CNTNAP2: variants seen among roughly 807,000 people sequenced by gnomAD.
The protein encoded by CNTNAP2 is contactin-associated protein-like 2.
CNTNAP2 carries 98 observed loss-of-function variants against 155.2 expected under a neutral mutation model. That is an observed-to-expected ratio of 0.63 (90% CI 0.54 to 0.75). CNTNAP2 has a LOEUF of 0.75. Among genes scored for constraint, CNTNAP2 ranks in the 30% least tolerant of loss-of-function variants. The pLI is 0.00. For missense variants in CNTNAP2, 1,727 were observed against 1,688.1 expected (o/e 1.02, Z -0.40); for synonymous variants, 651 against 631.2 (o/e 1.03, Z -0.47).
chr7:147,726,599 T>G (rs922431842), intron 13 of CNTNAP2, among the ~76,000 whole-genome samples: 1 of 151,970 alleles, frequency 6.6e-6, no homozygotes, highest in Non-Finnish European at 1.5e-5. Context: ...CCGAGAAGGT[T>G]GAGAACGTCT....
At chr7:146,379,861 A>G (rs1584897498) in intron 1 of CNTNAP2, among the ~76,000 whole-genome samples, 1 of 152,224 alleles carries the variant, frequency 6.6e-6, no homozygotes, top group Admixed American at 6.5e-5. Flanking sequence ...TAAAAGAAAA[A>G]AAAAGACACT....
intron 13 of CNTNAP2, among the ~76,000 whole-genome samples, chr7:147,640,232 T>G (rs868583835): frequency 6.6e-6 from 1 of 152,290 alleles, no homozygotes; most frequent in African/African-American, 2.4e-5. Flanking sequence ...CATTTATTAT[T>G]TTTTGTGAAG....
intron 3 of CNTNAP2, among the ~76,000 whole-genome samples, chr7:146,976,691 C>G (rs764590472): frequency 5.9e-5 from 9 of 152,224 alleles, no homozygotes; most frequent in Middle Eastern, 3.4e-3. Context: ...GAACCCTGTC[C>G]TCTTGGACCT....
intron 13 of CNTNAP2, among the ~76,000 whole-genome samples, chr7:147,720,489 C>A: frequency 6.6e-6 from 1 of 152,098 alleles, no homozygotes; most frequent in East Asian, 1.9e-4. Context: ...TTTATCCTTT[C>A]AAAAGTTTAA....
intron 3 of CNTNAP2, among the ~76,000 whole-genome samples, chr7:146,911,369 CG>C (rs1238449815): frequency 1.3e-5 from 2 of 151,944 alleles, no homozygotes; most frequent in African/African-American, 2.4e-5. Flanking sequence ...ATGTTTATCG[CG>C]GCATTATTCA....
chr7:147,229,056 T>G (rs2173047), intron 8 of CNTNAP2, among the ~76,000 whole-genome samples: 135,697 of 151,750 alleles, frequency 0.89, 60,771 homozygotes, highest in African/African-American at 0.95. Context: ...TATATATATA[T>G]AGAGAGAGAG....
chr7:147,942,484 T>C (rs925709485), intron 14 of CNTNAP2, among the ~76,000 whole-genome samples: 1 of 152,202 alleles, frequency 6.6e-6, no homozygotes, highest in African/African-American at 2.4e-5. Context: ...TCCCACCTGA[T>C]TTTTTAATAT....
At chr7:146,784,259 G>A (rs917758451) in intron 2 of CNTNAP2, among the ~76,000 whole-genome samples, 2 of 152,096 alleles carry the variant, frequency 1.3e-5, no homozygotes, top group African/African-American at 4.8e-5. Context: ...TAACATCAAT[G>A]CTATCACATT....
At chr7:148,400,784 A>AGCCTAACCAACATGGTGAAACCC (rs1385439753) in intron 22 of CNTNAP2, among the ~76,000 whole-genome samples, 1 of 152,184 alleles carries the variant, frequency 6.6e-6, no homozygotes, top group African/African-American at 2.4e-5. Context: ...GTTCGAGACC[A>AGCCTAACCAACATGGTGAAACCC]GCCTAACCAA....
At chr7:146,403,179 A>G (rs1438645092) in intron 1 of CNTNAP2, among the ~76,000 whole-genome samples, 4 of 152,128 alleles carry the variant, frequency 2.6e-5, no homozygotes, top group Non-Finnish European at 4.4e-5. Context: ...TTAATTATAT[A>G]CTTTTTCAAA....
intron 13 of CNTNAP2, among the ~76,000 whole-genome samples, chr7:147,724,580 G>A (rs962860165): frequency 7.2e-5 from 11 of 152,002 alleles, no homozygotes; most frequent in African/African-American, 2.7e-4. Context: ...GAGAGCTTCA[G>A]TGGGATTGAA....
chr7:148,340,364 G>C (rs1226963886), intron 21 of CNTNAP2, among the ~76,000 whole-genome samples: 1 of 152,152 alleles, frequency 6.6e-6, no homozygotes, highest in Non-Finnish European at 1.5e-5. Context: ...GAATCATTAC[G>C]TTACATTTAA....
Position 147,917,719 on chromosome 7 carries a change from T to C in CNTNAP2, c.2255+13998T>C, listed in dbSNP as rs544758807. 3.9e-5 allele frequency among the ~76,000 whole-genome samples: 6 copies of C among 152,246 alleles called. No homozygotes were observed. In the East Asian group the frequency reaches 9.7e-4, roughly 25 times the overall value. Reference sequence around the variant, plus strand: ...CAAGGAAGAAGAGGAAAATGAGCATTAAGGGGCAACTAAGAGCCTCTGTCG... The same window carrying C: ...CAAGGAAGAAGAGGAAAATGAGCATCAAGGGGCAACTAAGAGCCTCTGTCG... On this transcript the variant is annotated intron_variant, in intron 14 of 23. Transcript: ENST00000361727.
chr7:146,314,601 GT>G (rs930593450), intron 1 of CNTNAP2, among the ~76,000 whole-genome samples: 1 of 152,098 alleles, frequency 6.6e-6, no homozygotes, highest in Non-Finnish European at 1.5e-5. Flanking sequence ...GTTCCCTGTG[GT>G]CTAGGAGATT....
intron 3 of CNTNAP2, among the ~76,000 whole-genome samples, chr7:146,959,751 G>T (rs906783710): frequency 1.3e-5 from 2 of 150,082 alleles, no homozygotes; most frequent in African/African-American, 4.9e-5. Flanking sequence ...ATAAGAATAC[G>T]AACTGCAATC....
intron 9 of CNTNAP2, among the ~76,000 whole-genome samples, chr7:147,393,740 C>T (rs182091508): frequency 5.3e-5 from 8 of 151,832 alleles, no homozygotes; most frequent in Admixed American, 3.3e-4. Flanking sequence ...CACACACACA[C>T]GAGCCATATA....
chr7:148,129,921 G>A (rs1457198751), intron 16 of CNTNAP2, among the ~76,000 whole-genome samples: 1 of 152,192 alleles, frequency 6.6e-6, no homozygotes, highest in Non-Finnish European at 1.5e-5. Context: ...GGGGAGGGAT[G>A]TGCCACAATA....
intron 1 of CNTNAP2, among the ~76,000 whole-genome samples, chr7:146,480,635 T>C (rs1796944907): frequency 6.6e-6 from 1 of 150,864 alleles, no homozygotes; most frequent in Non-Finnish European, 1.5e-5. Flanking sequence ...GTGTGTGTAA[T>C]TTTTAAGCAA....
intron 9 of CNTNAP2, among the ~76,000 whole-genome samples, chr7:147,307,015 A>G (rs1218537829): frequency 6.6e-6 from 1 of 152,224 alleles, no homozygotes; most frequent in African/African-American, 2.4e-5. Flanking sequence ...GTATTTAAGA[A>G]TAAATTAAGT....
Sources: allele counts gnomAD v4.1 joint callset (sites outside exome capture counted in the v4.1 genomes callset), GRCh38; gene constraint gnomAD v4.1.1; transcripts MANE v1.5; gene names NCBI Gene and HGNC (gene_info 2026-07-23, HGNC 2026-07-21).